Variants in MIPOL1 observed in about 807,000 individuals in gnomAD.
MIPOL1 encodes the protein mirror-image polydactyly gene 1 protein.
MIPOL1 carries 57 observed loss-of-function variants against 60.9 expected under a neutral mutation model. The observed-to-expected ratio is 0.94, with a 90% CI of 0.76 to 1.17. The LOEUF (loss-of-function observed/expected upper bound fraction) is 1.17, where lower values mean the gene tolerates loss of function less well. Among genes scored for constraint, MIPOL1 ranks in the 50% most tolerant of loss-of-function variants. The pLI is 0.00. For synonymous variants in MIPOL1, 179 were observed against 168.8 expected (o/e 1.06, Z -0.47); for missense variants, 551 against 511.6 (o/e 1.08, Z -0.74).
At chr14:37,441,440 C>CAGCT in intron 11 of MIPOL1, among the ~76,000 whole-genome samples, 2 of 151,770 alleles carry the variant, frequency 1.3e-5, no homozygotes, top group Admixed American at 6.6e-5. Context: ...GGTTCAGTTT[C>CAGCT]TTCTGCATAT....
chr14:37,263,629 T>TCA, intron 3 of MIPOL1, among the ~76,000 whole-genome samples: 1 of 152,326 alleles, frequency 6.6e-6, no homozygotes, highest in African/African-American at 2.4e-5. Context: ...TGTTTAACTC[T>TCA]GAGAAAAGAA....
At chr14:37,439,868 A>AT (rs948396123) in intron 11 of MIPOL1, among the ~76,000 whole-genome samples, 7 of 152,002 alleles carry the variant, frequency 4.6e-5, no homozygotes, top group East Asian at 1.9e-4. Context: ...TAATGAATTT[A>AT]TTTTTTTTGA....
intron 7 of MIPOL1, among the ~76,000 whole-genome samples, chr14:37,305,614 T>C (rs191090924): frequency 7.9e-5 from 12 of 151,948 alleles, no homozygotes; most frequent in African/African-American, 2.9e-4. Flanking sequence ...CTTTAATATC[T>C]GTGATATCCG....
chr14:37,240,545 A>C (rs1397766122), intron 1 of MIPOL1: 1 of 152,114 alleles, frequency 6.6e-6, no homozygotes. Flanking sequence ...AAAACAGGCT[A>C]TTTGTTCCTT....
At chr14:37,338,238 C>A (rs1415867099) in intron 9 of MIPOL1, among the ~76,000 whole-genome samples, 1 of 151,686 alleles carries the variant, frequency 6.6e-6, no homozygotes. Context: ...TCCTGAGTAG[C>A]TGGGACTACA....
intron 1 of MIPOL1, among the ~76,000 whole-genome samples, chr14:37,207,182 G>A (rs1349096669): frequency 6.6e-6 from 1 of 152,164 alleles, no homozygotes; most frequent in Non-Finnish European, 1.5e-5. Context: ...GGACCCAGTG[G>A]GAGATACTTG....
intron 1 of MIPOL1, among the ~76,000 whole-genome samples, chr14:37,215,454 A>T (rs906011532): frequency 6.6e-6 from 1 of 152,080 alleles, no homozygotes; most frequent in Non-Finnish European, 1.5e-5. Context: ...GCTACAGCTC[A>T]TGGTAACCTC....
At chr14:37,437,729 G>A (rs1240501170) in intron 11 of MIPOL1, among the ~76,000 whole-genome samples, 11 of 152,060 alleles carry the variant, frequency 7.2e-5, no homozygotes, top group African/African-American at 2.7e-4. Context: ...TGCAAAGTAA[G>A]AATTGTAATT....
intron 12 of MIPOL1, among the ~76,000 whole-genome samples, chr14:37,524,491 A>G (rs775323674): frequency 6.6e-6 from 1 of 151,980 alleles, no homozygotes; most frequent in African/African-American, 2.4e-5. Flanking sequence ...GTTGAATTTC[A>G]GTAGTATGTA....
chr14:37,551,435 T>C (rs528879577), downstream of MIPOL1: 1 of 152,242 alleles, frequency 6.6e-6, no homozygotes, highest in Non-Finnish European at 1.5e-5. Context: ...AATGTCAATA[T>C]GAACAAATTT....
intron 9 of MIPOL1, among the ~76,000 whole-genome samples, chr14:37,318,471 G>C (rs1371154918): frequency 6.6e-6 from 1 of 152,058 alleles, no homozygotes; most frequent in Admixed American, 6.6e-5. Flanking sequence ...TTGTCAGTTT[G>C]TTAATTTGCT....
intron 1 of MIPOL1, among the ~76,000 whole-genome samples, chr14:37,215,732 C>T (rs1453982157): frequency 2.6e-5 from 4 of 152,022 alleles, no homozygotes; most frequent in African/African-American, 4.8e-5. Context: ...AATCTGTTGC[C>T]TACAAGAAAC....
chr14:37,423,704 CTGT>C (rs2093915127), intron 11 of MIPOL1: 1 of 151,982 alleles, frequency 6.6e-6, no homozygotes, highest in Non-Finnish European at 1.5e-5. Context: ...ACTAAGGGTG[CTGT>C]TAAGTTTTTG....
intron 9 of MIPOL1, among the ~76,000 whole-genome samples, chr14:37,356,639 C>T (rs1301972552): frequency 3.3e-5 from 5 of 152,200 alleles, no homozygotes; most frequent in East Asian, 1.9e-4. Flanking sequence ...GTCAGAAAAG[C>T]GCAGTATTCG....
chr14:37,335,631 A>G (rs765791396), intron 9 of MIPOL1, among the ~76,000 whole-genome samples: 6 of 152,116 alleles, frequency 3.9e-5, no homozygotes, highest in Admixed American at 2.6e-4. Context: ...TTATTTGTAT[A>G]TACCACATTT....
chr14:37,412,367 A>AT (rs2093693733), intron 10 of MIPOL1, among the ~76,000 whole-genome samples: 1 of 152,110 alleles, frequency 6.6e-6, no homozygotes, highest in Non-Finnish European at 1.5e-5. Flanking sequence ...GATAGTTGTC[A>AT]TAAAAAAAAG....
At chr14:37,271,952 A>AT (rs951835959) in intron 6 of MIPOL1, among the ~76,000 whole-genome samples, 2 of 151,294 alleles carry the variant, frequency 1.3e-5, no homozygotes, top group South Asian at 2.1e-4. Context: ...TTACTCTTTA[A>AT]TTTTTTTTAT....
intron 10 of MIPOL1, among the ~76,000 whole-genome samples, chr14:37,375,193 A>T (rs530298151): frequency 4.6e-5 from 7 of 151,756 alleles, no homozygotes; most frequent in African/African-American, 1.7e-4. Flanking sequence ...TACCCTTTTT[A>T]ATAATTATTT....
chr14:37,484,975 C>T (rs1366094343), intron 11 of MIPOL1, among the ~76,000 whole-genome samples: 5 of 152,098 alleles, frequency 3.3e-5, no homozygotes, highest in Non-Finnish European at 5.9e-5. Flanking sequence ...GGTATTTCTC[C>T]TAATGCTATC....
Sources: gnomAD v4.1 joint callset for allele counts (sites outside exome capture counted in the v4.1 genomes callset) on GRCh38, gnomAD v4.1.1 for gene constraint, MANE v1.5 for transcripts, NCBI Gene and HGNC (gene_info 2026-07-23, HGNC 2026-07-21) for gene names.